The following PCDH15 variants were observed in gnomAD, a reference collection of about 807,000 sequenced individuals.
PCDH15 encodes protocadherin-15.
In PCDH15, 129 loss-of-function variants were observed where a neutral mutation model predicts 178.5. The observed-to-expected ratio is 0.72, with a 90% CI of 0.63 to 0.84. The LOEUF is 0.84. Ranked by LOEUF, PCDH15 falls within the 40% of genes least tolerant of loss-of-function variation. PCDH15 has a pLI of 0.00. For missense variants in PCDH15, 2,230 were observed against 2,099.9 expected (o/e 1.06, Z -1.21); for synonymous variants, 800 against 732.0 (o/e 1.09, Z -1.50).
At chr10:55,154,342 ATAACGTGTATTCATGTATAT>A (rs2132105143) in intron 2 of PCDH15, among the ~76,000 whole-genome samples, 1 of 152,256 alleles carries the variant, frequency 6.6e-6, no homozygotes, top group South Asian at 2.1e-4. Context: ...TGTATTAGGG[ATAACGTGTATTCATGTATAT>A]GAATGGAGAA....
intron 2 of PCDH15, among the ~76,000 whole-genome samples, chr10:55,004,882 C>A (rs906314507): frequency 1.3e-5 from 2 of 151,930 alleles, no homozygotes; most frequent in East Asian, 3.9e-4. Flanking sequence ...GGGGATAGTT[C>A]CAGTATTAAA....
At chr10:54,677,854 G>A (rs2094820699) in intron 1 of PCDH15, among the ~76,000 whole-genome samples, 1 of 152,192 alleles carries the variant, frequency 6.6e-6, no homozygotes, top group Non-Finnish European at 1.5e-5. Flanking sequence ...GGATCTGTTA[G>A]TAACATGACA....
intron 2 of PCDH15, among the ~76,000 whole-genome samples, chr10:54,590,798 CA>C (rs2091835413): frequency 2.0e-5 from 3 of 151,926 alleles, no homozygotes; most frequent in African/African-American, 7.3e-5. Context: ...CCTCTAAATC[CA>C]TACATTTACA....
intron 1 of PCDH15, among the ~76,000 whole-genome samples, chr10:55,222,128 G>A (rs2132185357): frequency 6.6e-6 from 1 of 151,756 alleles, no homozygotes; most frequent in South Asian, 2.1e-4. Flanking sequence ...ACCTGCCTCG[G>A]CCTCCCAAAG....
chr10:54,721,512 A>G lies in PCDH15; in HGVS notation c.-28-57222T>C, dbSNP rs564059099. ...ACCAAGGAAAGAAAGAGATTCAAAG[A>G]AGTACAATGAGAAGTGGTAAAAGTG... On this transcript the variant is annotated intron_variant, in intron 1 of 37. Coordinates refer to ENST00000644397, the MANE Select transcript of PCDH15 (RefSeq NM_001384140.1). Among the ~76,000 whole-genome samples, 3 of 152,078 alleles carry G rather than the reference A, an allele frequency of 2.0e-5. No homozygotes were observed. In the South Asian group the frequency reaches 6.2e-4, roughly 31 times the overall value.
At chr10:54,182,506 A>AGTGTGTGTGTGTGT (rs71007813) in intron 13 of PCDH15, among the ~76,000 whole-genome samples, 26 of 148,080 alleles carry the variant, frequency 1.8e-4, no homozygotes, top group African/African-American at 6.4e-4. Flanking sequence ...AGAGAAAAAA[A>AGTGTGTGTGTGTGT]GTGTGTGTGT....
rs149818705 is a variant in PCDH15 at position 54,067,715 on chromosome 10, T to C, written c.2092-830A>G. Reference sequence around the variant, plus strand: ...GGTACAGAGAGAAAGAATATTAACCTGGAAAGTAAGAAACCTGGTATGCTA... The same window carrying C: ...GGTACAGAGAGAAAGAATATTAACCCGGAAAGTAAGAAACCTGGTATGCTA... On this transcript the variant is annotated intron_variant, in intron 17 of 37. Coordinates refer to ENST00000644397, the MANE Select transcript of PCDH15 (RefSeq NM_001384140.1). Among the ~76,000 whole-genome samples, 77 of 151,748 alleles carry C rather than the reference T, an allele frequency of 5.1e-4. No individual in the cohort carries two copies. In the East Asian group the frequency reaches 0.012, roughly 24 times the overall value.
chr10:54,625,679 T>C (rs568031635), intron 2 of PCDH15, among the ~76,000 whole-genome samples: 10 of 152,302 alleles, frequency 6.6e-5, no homozygotes, highest in African/African-American at 2.4e-4. Flanking sequence ...ATTAAACTTT[T>C]TTCCTTTGTA....
intron 2 of PCDH15, among the ~76,000 whole-genome samples, chr10:55,140,646 C>T (rs1564831548): frequency 6.6e-6 from 1 of 151,850 alleles, no homozygotes; most frequent in African/African-American, 2.4e-5. Flanking sequence ...TGAAATTGTG[C>T]TCTCTTGATC....
intron 2 of PCDH15, among the ~76,000 whole-genome samples, chr10:55,542,136 A>G (rs1158269143): frequency 6.6e-6 from 1 of 151,340 alleles, no homozygotes; most frequent in Non-Finnish European, 1.5e-5. Context: ...TCAGTATTAT[A>G]TATATATGTC....
intron 3 of PCDH15, among the ~76,000 whole-genome samples, chr10:54,457,222 A>T (rs868154482): frequency 2.0e-5 from 3 of 152,058 alleles, no homozygotes; most frequent in South Asian, 2.1e-4. Flanking sequence ...ACTAATTTCA[A>T]CTCTAACTAT....
chr10:54,966,314 A>G (rs1215757846), intron 2 of PCDH15, among the ~76,000 whole-genome samples: 1 of 152,064 alleles, frequency 6.6e-6, no homozygotes, highest in East Asian at 1.9e-4. Context: ...TTATAGCTTT[A>G]TCAAGCCATA....
At chr10:55,298,351 G>C (rs997667157) in intron 1 of PCDH15, among the ~76,000 whole-genome samples, 2 of 152,164 alleles carry the variant, frequency 1.3e-5, no homozygotes, top group Non-Finnish European at 2.9e-5. Flanking sequence ...AGAATCCTCA[G>C]CTGCAGGAAT....
intron 2 of PCDH15, among the ~76,000 whole-genome samples, chr10:55,416,022 G>C (rs1412022756): frequency 4.1e-5 from 6 of 147,906 alleles, no homozygotes; most frequent in Non-Finnish European, 9.0e-5. Flanking sequence ...ACTGTTAAAA[G>C]CTTTTAAGGC....
intron 2 of PCDH15, among the ~76,000 whole-genome samples, chr10:55,058,619 A>T (rs1161245727): frequency 6.6e-6 from 1 of 152,212 alleles, no homozygotes; most frequent in Non-Finnish European, 1.5e-5. Context: ...ACTGAAATTA[A>T]TACACATAAT....
rs573352718 is a variant in PCDH15 at position 54,574,850 on chromosome 10, C to T, written c.92-46973G>A. ...ATGCTGCTATAAAGACACATGCACA[C>T]GTATGTTTATTGCGGCATTATTCAC... is the stretch of plus-strand genomic sequence containing the variant. On this transcript the variant is annotated intron_variant, in intron 2 of 37. Transcript: ENST00000644397. 1.0e-4 allele frequency among the ~76,000 whole-genome samples: 15 copies of T among 143,588 alleles called. 1 individual carries two copies. The South Asian group carries it at 1.4e-3, about 13-fold the overall frequency. The allele number at this position is 143,588 out of a possible 152,430, so 94.2% of individuals were successfully genotyped here. A position where few individuals can be genotyped will look rare whatever the true frequency, so the allele number is the denominator to read the frequency against.
intron 2 of PCDH15, among the ~76,000 whole-genome samples, chr10:54,625,932 T>A (rs1351022102): frequency 6.6e-6 from 1 of 152,108 alleles, no homozygotes; most frequent in Non-Finnish European, 1.5e-5. Context: ...CTGATAGTGA[T>A]ATGAACAATA....
chr10:55,366,284 A>G (rs983008445), intron 2 of PCDH15: 3 of 152,068 alleles, frequency 2.0e-5, no homozygotes, highest in Non-Finnish European at 4.4e-5. Flanking sequence ...GTTTTTTATA[A>G]TAGAGTGATA....
At position 54,345,797 on chromosome 10, in the gene PCDH15, G is replaced by T. The variant is rs551789419; in HGVS notation, c.594+568C>A. Among the ~76,000 whole-genome samples, 499 of 56,852 alleles carry T rather than the reference G, an allele frequency of 8.8e-3. 8 individuals are homozygous for T. The highest frequency in any genetic ancestry group is 0.036 in the African/African-American group (469 of 13,168). The allele number at this position is 56,852 out of a possible 152,430, so 37.3% of individuals were successfully genotyped here. A position where few individuals can be genotyped will look rare whatever the true frequency, so the allele number is the denominator to read the frequency against. On this transcript the variant is annotated intron_variant, in intron 6 of 37. Coordinates refer to ENST00000644397, the MANE Select transcript of PCDH15 (RefSeq NM_001384140.1). ...AGCCTGGGCAACAGAGCGAGACTCC[G>T]TCTCAAAAAAAAAAAAAAAAAAAAA...
Sources: gnomAD v4.1 joint callset for allele counts (sites outside exome capture counted in the v4.1 genomes callset) on GRCh38, gnomAD v4.1.1 for gene constraint, MANE v1.5 for transcripts, NCBI Gene and HGNC (gene_info 2026-07-23, HGNC 2026-07-21) for gene names.